The following TPM1 variants were observed in gnomAD, a reference collection of about 807,000 sequenced individuals.
The protein encoded by TPM1 is tropomyosin 1.
A neutral mutation model predicts 42.9 loss-of-function variants in TPM1; 24 were observed. The observed-to-expected ratio is 0.56, with a 90% CI of 0.41 to 0.79. The LOEUF (loss-of-function observed/expected upper bound fraction) is 0.79, where lower values mean the gene tolerates loss of function less well. TPM1 is among the 30% of genes least tolerant of loss of function. TPM1 has a pLI of 0.00. For missense variants in TPM1, 158 were observed against 351.8 expected, an observed-to-expected ratio of 0.45 and a Z score of 4.41; for synonymous variants, 136 against 130.1, an observed-to-expected ratio of 1.05 and a Z score of -0.31.
chr15:63,049,436 C>G (rs755782492), intron 2 of TPM1: 41 of 152,260 alleles, frequency 2.7e-4, no homozygotes, highest in African/African-American at 9.7e-4. Context: ...GGCTTCCCCT[C>G]CCCCTTGTTA....
chr15:63,045,791 A>G (rs1460630847), intron 2 of TPM1: 1 of 152,224 alleles, frequency 6.6e-6, no homozygotes, highest in Non-Finnish European at 1.5e-5. Flanking sequence ...GAAGTTATTT[A>G]AAGTCAGCTG....
downstream of TPM1, among the ~76,000 whole-genome samples, chr15:63,067,963 G>T (rs1163596434): frequency 6.6e-6 from 1 of 152,244 alleles, no homozygotes; most frequent in Non-Finnish European, 1.5e-5. Context: ...AGAGGAGGCT[G>T]TCGGAGGGAC....
intron 6 of TPM1, 41 bp from the exon 7 acceptor site, chr15:63,062,174 G>T: frequency 6.3e-7 from 1 of 1,584,390 alleles, no homozygotes; most frequent in South Asian, 1.1e-5. Flanking sequence ...TGAGTAGATT[G>T]AGCTGCAGCC....
At chr15:63,058,859 G>A (rs759616332) in intron 3 of TPM1, among the ~76,000 whole-genome samples, 2 of 152,098 alleles carry the variant, frequency 1.3e-5, no homozygotes, top group African/African-American at 2.4e-5. Flanking sequence ...CCACGCTATA[G>A]GACCCTAATA....
At chr15:63,049,231 C>G (rs2033303056) in intron 2 of TPM1, 1 of 182,492 alleles carries the variant, frequency 5.5e-6, no homozygotes, top group Admixed American at 6.3e-5. Context: ...GTCTCCGAGG[C>G]GGTAGACAGA....
At chr15:63,065,405 G>T in intron 9 of TPM1, 1 of 1,002,204 alleles carries the variant, frequency 1.0e-6, no homozygotes, top group Non-Finnish European at 1.2e-6. Flanking sequence ...TGAAGAGAGT[G>T]GCATGTGCCT....
chr15:63,062,235 A>C lies in TPM1; in HGVS notation c.660A>C (p.Arg220Ser). The stretch of plus-strand genomic sequence containing the variant: ...TACAGTACTCGCAGAAGGAAGACAG[A>C]TATGAGGAAGAGATCAAGGTCCTTT... ...QAEKYSQKEDRYEEEIKVLSD... is the reference protein window; with the variant it reads ...QAEKYSQKEDSYEEEIKVLSD... The change falls in exon 7 of 10, where the codon AGA becomes AGC. Residue 220 changes from arginine (R) to serine (S), a missense_variant. Coordinates refer to ENST00000403994, the MANE Select transcript of TPM1 (RefSeq NM_001018005.2). 1 of 1,614,142 alleles carries C rather than the reference A, an allele frequency of 6.2e-7. No homozygotes were observed. Among genetic ancestry groups the C allele is most frequent in the South Asian group, 1.1e-5 (1 of 91,088 alleles).
chr15:63,044,290 C>T, intron 2 of TPM1, 138 bp downstream of exon 2: 2 of 1,240,966 alleles, frequency 1.6e-6, no homozygotes, highest in East Asian at 2.4e-5. Context: ...TGGCCCAGAG[C>T]ATTGGATGCC....
At chr15:63,060,406 A>C (rs1022146913) in intron 4 of TPM1, among the ~76,000 whole-genome samples, 1 of 152,142 alleles carries the variant, frequency 6.6e-6, no homozygotes, top group Non-Finnish European at 1.5e-5. Flanking sequence ...TATCTCACCA[A>C]CTTGTCTCAC....
At chr15:63,068,211 A>G (rs1445776171), downstream of TPM1, among the ~76,000 whole-genome samples, 1 of 152,182 alleles carries the variant, frequency 6.6e-6, no homozygotes, top group African/African-American at 2.4e-5. Flanking sequence ...TGGTAAAGAG[A>G]TGGGCTGGAA....
chr15:63,043,004 C>G, intron 1 of TPM1, 61 bp downstream of exon 1: 2 of 1,449,146 alleles, frequency 1.4e-6, no homozygotes, highest in African/African-American at 1.4e-5. Context: ...CCTGGCACCC[C>G]CGGCTGGATC....
At chr15:63,048,242 T>C (rs1319013102) in intron 2 of TPM1, 3 of 489,638 alleles carry the variant, frequency 6.1e-6, no homozygotes, top group South Asian at 4.6e-5. Context: ...TGCAGTGGCC[T>C]CCCGGAGCGC....
At chr15:63,048,991 G>T in intron 2 of TPM1, 2 of 439,598 alleles carry the variant, frequency 4.5e-6, no homozygotes, top group East Asian at 5.1e-5. Context: ...GGAAGGGTCT[G>T]TTTCTGGGGT....
At chr15:63,060,963 G>A (rs1407458484) in intron 5 of TPM1, 24 bp downstream of exon 5, 2 of 1,613,326 alleles carry the variant, frequency 1.2e-6, no homozygotes, top group South Asian at 1.1e-5. Flanking sequence ...GCGCCAGGAG[G>A]CCACGAATGG....
In TPM1 at chr15:63,061,534, A is replaced by G. The variant is rs1393571446; in HGVS notation, c.564-179A>G. The stretch of plus-strand genomic sequence containing the variant: ...GGTCACCCTGCCTTCTGCTGTTGCG[A>G]GGTTGGGGGGCAGTGTTCCTGGAAA... On this transcript the variant is annotated intron_variant, in intron 5 of 9. Coordinates refer to ENST00000403994, the MANE Select transcript of TPM1 (RefSeq NM_001018005.2). The G allele has an allele frequency of 4.0e-6, 3 of 741,444 alleles. No individual in the cohort carries two copies. The African/African-American group carries it at 5.2e-5, about 13-fold the overall frequency. 45.9% of individuals were successfully genotyped at this position (741,444 alleles called of 1,614,324 possible). A position where few individuals can be genotyped will look rare whatever the true frequency, so the allele number is the denominator to read the frequency against.
intron 5 of TPM1, chr15:63,061,175 G>C (rs776067057): frequency 1.2e-6 from 2 of 1,612,908 alleles, no homozygotes; most frequent in Non-Finnish European, 1.7e-6. Flanking sequence ...ATGGCCTTGT[G>C]CATTTCCTGT....
At chr15:63,052,664 A>G (rs1051651493) in intron 2 of TPM1, among the ~76,000 whole-genome samples, 3 of 152,158 alleles carry the variant, frequency 2.0e-5, no homozygotes, top group African/African-American at 7.2e-5. Context: ...ACAGATGGTC[A>G]TGTGTCTATG....
downstream of TPM1, chr15:63,069,903 G>A (rs144451403): frequency 4.9e-5 from 79 of 1,613,976 alleles, no homozygotes; most frequent in East Asian, 4.2e-4. Flanking sequence ...CAAAATCGCC[G>A]CCTCACTAAT....
At chr15:63,062,340 G>T (rs1245649717) in intron 7 of TPM1, 63 bp downstream of exon 7, 1 of 1,522,306 alleles carries the variant, frequency 6.6e-7, no homozygotes, top group African/African-American at 1.4e-5. Context: ...CATGGAACCG[G>T]TCAGGGCCTT....
Sources: allele counts gnomAD v4.1 joint callset (sites outside exome capture counted in the v4.1 genomes callset), GRCh38; gene constraint gnomAD v4.1.1; transcripts MANE v1.5; gene names NCBI Gene and HGNC (gene_info 2026-07-23, HGNC 2026-07-21).